Variants in SCN9A observed in about 807,000 individuals in gnomAD.
SCN9A encodes the protein sodium channel protein type 9 subunit alpha.
A neutral mutation model predicts 187.0 loss-of-function variants in SCN9A; 131 were observed. That is an observed-to-expected ratio of 0.70 (90% CI 0.61 to 0.81). The LOEUF is 0.81. Ranked by LOEUF, SCN9A falls within the 30% of genes least tolerant of loss-of-function variation. The probability of loss-of-function intolerance (pLI) is 0.00; values close to 1 mark genes in which losing one functional copy is unlikely to be tolerated. For missense variants in SCN9A, 2,252 were observed against 2,396.6 expected (o/e 0.94, Z 1.26); for synonymous variants, 809 against 808.6 (o/e 1.00, Z -0.01).
At chr2:166,281,960 T>C (rs1339683643) in intron 12 of SCN9A, among the ~76,000 whole-genome samples, 152 bp from the exon 13 acceptor site, 1 of 152,200 alleles carries the variant, frequency 6.6e-6, no homozygotes, top group Non-Finnish European at 1.5e-5. Context: ...ACTGGCTGTA[T>C]ATCATAGGAG....
At position 166,198,789 on chromosome 2, in the gene SCN9A, T is replaced by G. The variant is rs1693327329; in HGVS notation, c.5850A>C (p.Ser1950=). The G allele has an allele frequency of 6.2e-7, 1 of 1,613,236 alleles. No homozygotes were observed. The highest frequency in any genetic ancestry group is 8.5e-7 in the Non-Finnish European group (1 of 1,179,488). The change falls in exon 27 of 27, where the codon TCA becomes TCC. Residue 1950 remains serine (S), a synonymous_variant. Transcript: ENST00000642356. ...NSSPEKTDAT[S]STTSPPSYDS... ...CATATGAAGGTGGAGAGGTGGTGGA[T>G]GAAGTGGCATCTGTTTTTTCTGGAC...
chr2:166,206,067 G>C (rs1472291072), intron 24 of SCN9A, among the ~76,000 whole-genome samples: 1 of 152,176 alleles, frequency 6.6e-6, no homozygotes, highest in East Asian at 1.9e-4. Flanking sequence ...CTGTTGGTGA[G>C]AGTGTAAAAT....
At position 166,274,726 on chromosome 2, in the gene SCN9A, C is replaced by T. The variant is rs4500962; in HGVS notation, c.2875-1851G>A. Among the ~76,000 whole-genome samples, 428 of 152,210 alleles carry T rather than the reference C, an allele frequency of 2.8e-3. 2 individuals carry two copies. Among genetic ancestry groups the T allele is most frequent in the Middle Eastern group, 0.027 (8 of 294 alleles). On this transcript the variant is annotated intron_variant, in intron 16 of 26. Transcript: ENST00000642356. ...TGAGTTAGTTAACACTAATTCTACACGAATGAAACACTCACCAATATATCC... is the reference window on the plus strand; with the variant it reads ...TGAGTTAGTTAACACTAATTCTACATGAATGAAACACTCACCAATATATCC...
chr2:166,217,064 T>C (rs568990143), intron 24 of SCN9A, among the ~76,000 whole-genome samples: 12 of 152,144 alleles, frequency 7.9e-5, no homozygotes, highest in Admixed American at 7.2e-4. Flanking sequence ...CAATTATTTA[T>C]AGTCAATTGA....
Position 166,233,175 on chromosome 2 carries a change from A to G in SCN9A, c.3924+165T>C, listed in dbSNP as rs1401071915. On this transcript the variant is annotated intron_variant, in intron 21 of 26. Coordinates refer to ENST00000642356, the MANE Select transcript of SCN9A (RefSeq NM_001365536.1). ...CATACTATATAGTATACATATGCATATATACATATATGCATATGTATATAT... is the reference window on the plus strand; with the variant it reads ...CATACTATATAGTATACATATGCATGTATACATATATGCATATGTATATAT... Among the ~76,000 whole-genome samples, 3 of 118,242 alleles carry G rather than the reference A, an allele frequency of 2.5e-5. No individual in the cohort carries two copies. In the East Asian group the frequency reaches 7.5e-4, roughly 30 times the overall value. The allele number at this position is 118,242 out of a possible 152,430, so 77.6% of individuals were successfully genotyped here. A position where few individuals can be genotyped will look rare whatever the true frequency, so the allele number is the denominator to read the frequency against.
chr2:166,254,744 T>G (rs911245652), intron 17 of SCN9A, among the ~76,000 whole-genome samples: 3 of 151,434 alleles, frequency 2.0e-5, no homozygotes, highest in Admixed American at 6.6e-5. Flanking sequence ...AAGAAATTTC[T>G]TTTGCTATTA....
At chr2:166,280,780 T>A (rs1327784526) in intron 13 of SCN9A, among the ~76,000 whole-genome samples, 185 bp from the exon 14 acceptor site, 1 of 152,192 alleles carries the variant, frequency 6.6e-6, no homozygotes, top group East Asian at 1.9e-4. Flanking sequence ...GTTCGTTGCC[T>A]AGATGAAGCA....
chr2:166,231,678 A>G (rs1398092452), intron 21 of SCN9A, among the ~76,000 whole-genome samples: 1 of 148,438 alleles, frequency 6.7e-6, no homozygotes, highest in African/African-American at 2.5e-5. Flanking sequence ...CAGCCTCCCT[A>G]GTAGCTGAGA....
intron 12 of SCN9A, among the ~76,000 whole-genome samples, chr2:166,283,335 A>C (rs1311531822): frequency 6.6e-6 from 1 of 152,226 alleles, no homozygotes; most frequent in African/African-American, 2.4e-5. Flanking sequence ...ACATGCATTT[A>C]TTCAAATTGA....
In SCN9A at chr2:166,199,749, G is replaced by T; in HGVS notation, c.4890C>A (p.Ile1630=). The stretch of plus-strand genomic sequence containing the variant: ...TCATCAAAGCAAAGAGCAGCGTGCG[G>T]ATCCCCTTTGCTCCTTTGACTAGAC... ...ILRLVKGAKG[I]RTLLFALMMS... The change falls in exon 27 of 27, where the codon ATC becomes ATA. Residue 1630 remains isoleucine, a synonymous_variant. Coordinates refer to ENST00000642356, the MANE Select transcript of SCN9A (RefSeq NM_001365536.1). 6.2e-7 allele frequency: 1 copy of T among 1,614,090 alleles called. No homozygotes were observed. Among genetic ancestry groups the T allele is most frequent in the South Asian group, 1.1e-5 (1 of 91,074 alleles).
intron 24 of SCN9A, among the ~76,000 whole-genome samples, chr2:166,225,025 T>A (rs1333176285): frequency 6.6e-6 from 1 of 152,120 alleles, no homozygotes; most frequent in Non-Finnish European, 1.5e-5. Context: ...TCTTCCCTAC[T>A]CAACATATAT....
intron 20 of SCN9A, among the ~76,000 whole-genome samples, chr2:166,234,927 A>G (rs958769244): frequency 1.3e-5 from 2 of 152,046 alleles, no homozygotes. Flanking sequence ...TTATCATGGG[A>G]GTGAGTTAGA....
At chr2:166,209,684 C>T (rs546821201) in intron 24 of SCN9A, among the ~76,000 whole-genome samples, 15 of 152,158 alleles carry the variant, frequency 9.9e-5, no homozygotes, top group Non-Finnish European at 2.1e-4. Flanking sequence ...GACATTTATG[C>T]AGCCAAAAAA....
chr2:166,369,229 A>C (rs1009883551), intron 1 of SCN9A, among the ~76,000 whole-genome samples: 1 of 151,878 alleles, frequency 6.6e-6, no homozygotes, highest in East Asian at 1.9e-4. Context: ...AGCAATATTT[A>C]AGAAATTAAT....
At chr2:166,206,381 G>A (rs1693806398) in intron 24 of SCN9A, among the ~76,000 whole-genome samples, 1 of 152,116 alleles carries the variant, frequency 6.6e-6, no homozygotes, top group Admixed American at 6.5e-5. Context: ...GCATGAAGCT[G>A]GAAACCATCA....
intron 1 of SCN9A, among the ~76,000 whole-genome samples, chr2:166,343,764 T>C (rs938697610): frequency 7.2e-5 from 11 of 151,978 alleles, no homozygotes; most frequent in Non-Finnish European, 1.3e-4. Flanking sequence ...GCCACTGCAC[T>C]CAGCCTGGGA....
intron 20 of SCN9A, among the ~76,000 whole-genome samples, chr2:166,235,852 A>G (rs1008061167): frequency 1.4e-5 from 2 of 146,100 alleles, no homozygotes; most frequent in Non-Finnish European, 2.9e-5. Context: ...TCTGCACATT[A>G]CATACCCCTG....
In SCN9A at chr2:166,281,819, A is replaced by AT. The variant is rs2106478605; in HGVS notation, c.1975-12_1975-11insA. The stretch of plus-strand genomic sequence containing the variant: ...TTGATTGGTCGTGCCCTAAAAAAAA[A>AT]ATCAATTAATGTCTTAAGAACAGAA... On this transcript the variant is annotated splice_polypyrimidine_tract_variant and intron_variant, in intron 12 of 26. Coordinates refer to ENST00000642356, the MANE Select transcript of SCN9A (RefSeq NM_001365536.1). The AT allele has an allele frequency of 6.2e-7, 1 of 1,601,072 alleles. No homozygotes were observed. The highest frequency in any genetic ancestry group is 8.5e-7 in the Non-Finnish European group (1 of 1,175,558).
intron 1 of SCN9A, among the ~76,000 whole-genome samples, chr2:166,328,632 C>A (rs977332254): frequency 6.6e-6 from 1 of 151,808 alleles, no homozygotes; most frequent in African/African-American, 2.4e-5. Flanking sequence ...GTACTTTAGG[C>A]AGAAGGAAAA....
Sources: allele counts gnomAD v4.1 joint callset (sites outside exome capture counted in the v4.1 genomes callset), GRCh38; gene constraint gnomAD v4.1.1; transcripts MANE v1.5; gene names NCBI Gene and HGNC (gene_info 2026-07-23, HGNC 2026-07-21).